GRIA1: variants seen among roughly 807,000 people sequenced by gnomAD.
The protein encoded by GRIA1 is glutamate ionotropic receptor AMPA type subunit 1, also known as glutamate receptor 1.
GRIA1 carries 31 observed loss-of-function variants against 99.2 expected under a neutral mutation model. That is an observed-to-expected ratio of 0.31 (90% confidence interval 0.23 to 0.42). The LOEUF is 0.42. Ranked by LOEUF, GRIA1 falls within the 10% of genes least tolerant of loss-of-function variation. GRIA1 has a pLI of 1.00. For missense variants in GRIA1, 782 were observed against 1,157.5 expected, an observed-to-expected ratio of 0.68 and a Z score of 4.71; for synonymous variants, 438 against 432.4, an observed-to-expected ratio of 1.01 and a Z score of -0.16.
At chr5:153,685,206 G>C (rs759931177) in intron 7 of GRIA1, among the ~76,000 whole-genome samples, 5 of 152,198 alleles carry the variant, frequency 3.3e-5, no homozygotes, top group Non-Finnish European at 5.9e-5. Context: ...AGGACACATG[G>C]TGGATCACTA....
intron 2 of GRIA1, among the ~76,000 whole-genome samples, chr5:153,583,390 A>C (rs1763212735): frequency 6.6e-6 from 1 of 152,076 alleles, no homozygotes; most frequent in Non-Finnish European, 1.5e-5. Context: ...CTCTCTCTAA[A>C]ACCTGTAAGT....
At chr5:153,652,584 T>C (rs1428212663) in intron 4 of GRIA1, among the ~76,000 whole-genome samples, 1 of 152,230 alleles carries the variant, frequency 6.6e-6, no homozygotes, top group East Asian at 1.9e-4. Flanking sequence ...TTCTGCTATC[T>C]ATAATTAACT....
In GRIA1 at chr5:153,811,578, T is replaced by C. The variant is rs1461760660; in HGVS notation, c.*353T>C. On this transcript the variant is annotated 3_prime_UTR_variant, in exon 16 of 16. Transcript: ENST00000285900. ...TGTTTTATTTTAATTCAGTTGTTAG[T>C]GTGTCTTAGTGTGTGCAATTTTTTT... is the stretch of plus-strand genomic sequence containing the variant. 1 of 194,624 alleles carries C rather than the reference T, an allele frequency of 5.1e-6. No homozygotes were observed. The highest frequency in any genetic ancestry group is 1.3e-4 in the East Asian group (1 of 7,952). 12.1% of individuals were successfully genotyped at this position (194,624 alleles called of 1,614,324 possible).
At chr5:153,547,459 G>A (rs1250088347) in intron 2 of GRIA1, among the ~76,000 whole-genome samples, 1 of 152,138 alleles carries the variant, frequency 6.6e-6, no homozygotes, top group Non-Finnish European at 1.5e-5. Context: ...TAAATAAAGT[G>A]CTACATTGCC....
intron 2 of GRIA1, among the ~76,000 whole-genome samples, chr5:153,590,262 A>C (rs1223368761): frequency 6.6e-6 from 1 of 152,178 alleles, no homozygotes; most frequent in Admixed American, 6.5e-5. Flanking sequence ...AAAAGCCTCC[A>C]AGAAAGTGTT....
chr5:153,691,176 T>C (rs1170479959), intron 8 of GRIA1, among the ~76,000 whole-genome samples: 2 of 152,186 alleles, frequency 1.3e-5, no homozygotes, highest in African/African-American at 4.8e-5. Flanking sequence ...GATGGGTACT[T>C]GCTCTACTAA....
At chr5:153,790,617 A>T (rs993412823) in intron 13 of GRIA1, among the ~76,000 whole-genome samples, 2 of 152,186 alleles carry the variant, frequency 1.3e-5, no homozygotes, top group Admixed American at 1.3e-4. Context: ...GTCTAAATTC[A>T]TTCAACCTAA....
intron 2 of GRIA1, among the ~76,000 whole-genome samples, chr5:153,587,443 T>C (rs1442500767): frequency 6.6e-6 from 1 of 152,160 alleles, no homozygotes; most frequent in African/African-American, 2.4e-5. Context: ...AGGTATTTCT[T>C]TACAGCAGTG....
Position 153,702,419 on chromosome 5 carries a change from G to A in GRIA1, c.1453-3278G>A, listed in dbSNP as rs6893650. Among the ~76,000 whole-genome samples, 625 of 152,370 alleles carry A rather than the reference G, an allele frequency of 4.1e-3. 5 individuals are homozygous for A. Among genetic ancestry groups the A allele is most frequent in the African/African-American group, 0.014 (591 of 41,588 alleles). ...GGGCCACCCCTGTGAAACAAGGAAC[G>A]TGAATTCTTTACCACAGGCTGTGAT... is the stretch of plus-strand genomic sequence containing the variant. On this transcript the variant is annotated intron_variant, in intron 10 of 15. Transcript: ENST00000285900.
intron 11 of GRIA1, among the ~76,000 whole-genome samples, chr5:153,739,958 T>C (rs1177961405): frequency 1.3e-5 from 2 of 152,244 alleles, no homozygotes; most frequent in Non-Finnish European, 2.9e-5. Flanking sequence ...CATTATGATT[T>C]ATGAGACGTG....
At chr5:153,622,237 G>A (rs1767122143) in intron 2 of GRIA1, among the ~76,000 whole-genome samples, 1 of 152,182 alleles carries the variant, frequency 6.6e-6, no homozygotes, top group East Asian at 1.9e-4. Context: ...ACTTAAGTGT[G>A]AGAACCACTG....
chr5:153,786,494 T>A (rs1764970340), intron 13 of GRIA1, among the ~76,000 whole-genome samples: 1 of 151,626 alleles, frequency 6.6e-6, no homozygotes, highest in East Asian at 1.9e-4. Flanking sequence ...GATTGCATGG[T>A]CCTTAAAGGA....
chr5:153,783,136 C>T (rs1351303667), intron 13 of GRIA1, among the ~76,000 whole-genome samples: 1 of 152,194 alleles, frequency 6.6e-6, no homozygotes, highest in Non-Finnish European at 1.5e-5. Context: ...TAAAAGTCCA[C>T]AAGAAAATAA....
At chr5:153,725,091 T>A (rs986225207) in intron 11 of GRIA1, among the ~76,000 whole-genome samples, 19 of 152,272 alleles carry the variant, frequency 1.2e-4, no homozygotes, top group African/African-American at 4.6e-4. Flanking sequence ...GGGGCCAATA[T>A]TCAACATTCT....
chr5:153,804,750 T>C (rs1200946125), intron 15 of GRIA1, among the ~76,000 whole-genome samples: 1 of 151,146 alleles, frequency 6.6e-6, no homozygotes, highest in Middle Eastern at 3.2e-3. Context: ...TATTTATTTA[T>C]TTATTTATTT....
chr5:153,591,426 C>T (rs1763964638), intron 2 of GRIA1, among the ~76,000 whole-genome samples: 1 of 152,218 alleles, frequency 6.6e-6, no homozygotes, highest in Admixed American at 6.5e-5. Context: ...CCCTGACCAA[C>T]ACATCCCTAT....
chr5:153,682,520 C>G (rs553159354), intron 7 of GRIA1, among the ~76,000 whole-genome samples: 1 of 152,310 alleles, frequency 6.6e-6, no homozygotes, highest in Non-Finnish European at 1.5e-5. Flanking sequence ...CGTCCACCCT[C>G]TTTGCCATGA....
At chr5:153,677,250 A>G in intron 7 of GRIA1, 89 bp downstream of exon 7, 1 of 1,126,372 alleles carries the variant, frequency 8.9e-7, no homozygotes, top group Non-Finnish European at 1.2e-6. Flanking sequence ...ATTCTAAAGA[A>G]AAGGAAGAAA....
intron 11 of GRIA1, among the ~76,000 whole-genome samples, chr5:153,754,774 C>T (rs1366839616): frequency 6.6e-6 from 1 of 152,192 alleles, no homozygotes; most frequent in Non-Finnish European, 1.5e-5. Flanking sequence ...ACTATTTATG[C>T]ATTCATTTAC....
Sources: allele counts gnomAD v4.1 joint callset (sites outside exome capture counted in the v4.1 genomes callset), GRCh38; gene constraint gnomAD v4.1.1; transcripts MANE v1.5; gene names NCBI Gene and HGNC (gene_info 2026-07-23, HGNC 2026-07-21).